PHTF2: variants seen among roughly 807,000 people sequenced by gnomAD.
The protein encoded by PHTF2 is putative homeodomain transcription factor 2, also known as protein PHTF2.
Under a neutral mutation model 101.2 loss-of-function variants are expected in PHTF2, and 60 were observed. That is an observed-to-expected ratio of 0.59 (90% CI 0.48 to 0.73). The LOEUF (loss-of-function observed/expected upper bound fraction) is 0.73. Ranked by LOEUF, PHTF2 falls within the 30% of genes least tolerant of loss-of-function variation. The pLI is 0.00. For synonymous variants in PHTF2, 311 were observed against 307.3 expected (o/e 1.01, Z -0.13); for missense variants, 747 against 908.7 (o/e 0.82, Z 2.29).
chr7:77,924,127 C>T (rs986138096), intron 11 of PHTF2: 11 of 955,218 alleles, frequency 1.2e-5, no homozygotes, highest in Middle Eastern at 5.3e-4. Flanking sequence ...CTTTAAAGGG[C>T]GTTTCTAAAA....
intron 3 of PHTF2, among the ~76,000 whole-genome samples, chr7:77,866,620 A>G (rs1407200313): frequency 6.6e-6 from 1 of 152,126 alleles, no homozygotes; most frequent in African/African-American, 2.4e-5. Flanking sequence ...AAAAAAAAAA[A>G]GTTAATACTG....
chr7:77,859,204 C>A (rs1025134647), intron 3 of PHTF2, among the ~76,000 whole-genome samples: 3 of 152,190 alleles, frequency 2.0e-5, no homozygotes, highest in African/African-American at 7.2e-5. Context: ...ATCTTGAGAT[C>A]CTTAACTAAT....
chr7:77,859,074 T>G (rs1207401133), intron 3 of PHTF2, among the ~76,000 whole-genome samples: 1 of 152,178 alleles, frequency 6.6e-6, no homozygotes, highest in Non-Finnish European at 1.5e-5. Flanking sequence ...GCCTGTAGAT[T>G]CATCATTCCA....
chr7:77,815,833 ATAT>A (rs1315756750), intron 1 of PHTF2, among the ~76,000 whole-genome samples: 3 of 152,314 alleles, frequency 2.0e-5, no homozygotes, highest in East Asian at 3.9e-4. Flanking sequence ...AATTGGGTTA[ATAT>A]TCTCCTTTCT....
chr7:77,864,586 T>C (rs1406696622), intron 3 of PHTF2, among the ~76,000 whole-genome samples: 1 of 152,212 alleles, frequency 6.6e-6, no homozygotes, highest in African/African-American at 2.4e-5. Flanking sequence ...ATTTTTCACC[T>C]TAGTGTTTAG....
At chr7:77,884,341 A>G (rs1445387081) in intron 3 of PHTF2, among the ~76,000 whole-genome samples, 1 of 152,122 alleles carries the variant, frequency 6.6e-6, no homozygotes, top group Non-Finnish European at 1.5e-5. Flanking sequence ...TGAGTAGTGT[A>G]CCTTGTACCC....
rs1387451465 is a variant in PHTF2 at position 77,835,991 on chromosome 7, TC to T, written c.-35-4228del. On this transcript the variant is annotated intron_variant, in intron 1 of 19. Transcript: ENST00000416283. ...AAATTAGCCGGGTGTAGTGGCGCATTCCTGTATTCCCAGCTACTCGGGAGGT... is the reference window on the plus strand; with the variant it reads ...AAATTAGCCGGGTGTAGTGGCGCATTCTGTATTCCCAGCTACTCGGGAGGT... 4.0e-5 allele frequency among the ~76,000 whole-genome samples: 6 copies of T among 151,412 alleles called. No individual in the cohort carries two copies. The East Asian group carries it at 1.2e-3, about 29-fold the overall frequency.
chr7:77,883,686 AC>A (rs1215265776), intron 3 of PHTF2, among the ~76,000 whole-genome samples: 1 of 152,180 alleles, frequency 6.6e-6, no homozygotes, highest in Non-Finnish European at 1.5e-5. Flanking sequence ...TAGGAAAAAG[AC>A]TTTTATCTGC....
intron 3 of PHTF2, among the ~76,000 whole-genome samples, chr7:77,889,164 C>G (rs962002058): frequency 6.6e-6 from 1 of 152,136 alleles, no homozygotes; most frequent in African/African-American, 2.4e-5. Flanking sequence ...TTTTCTTGCC[C>G]TATAATGATT....
intron 3 of PHTF2, among the ~76,000 whole-genome samples, chr7:77,880,406 A>G (rs1562906663): frequency 6.6e-6 from 1 of 152,072 alleles, no homozygotes; most frequent in African/African-American, 2.4e-5. Flanking sequence ...CTGCCATCCC[A>G]TCCTGTATGT....
At chr7:77,892,894 A>G (rs554052595) in intron 3 of PHTF2, among the ~76,000 whole-genome samples, 2 of 152,308 alleles carry the variant, frequency 1.3e-5, no homozygotes, top group South Asian at 4.1e-4. Context: ...TTAAGTGGTA[A>G]TTGCAGTCTG....
intron 3 of PHTF2, among the ~76,000 whole-genome samples, chr7:77,857,347 G>C (rs1408260170): frequency 6.6e-6 from 1 of 152,140 alleles, no homozygotes; most frequent in African/African-American, 2.4e-5. Flanking sequence ...GGCCATCATG[G>C]TACTCTGGTC....
chr7:77,822,968 G>C (rs1396825757), intron 1 of PHTF2, among the ~76,000 whole-genome samples: 2 of 148,018 alleles, frequency 1.4e-5, no homozygotes, highest in African/African-American at 2.5e-5. Context: ...GCAGTGGCGC[G>C]ATCTCGGCTC....
intron 3 of PHTF2, among the ~76,000 whole-genome samples, chr7:77,892,073 C>G (rs1205549597): frequency 6.6e-6 from 1 of 152,224 alleles, no homozygotes; most frequent in East Asian, 1.9e-4. Flanking sequence ...GTCAGGAGAT[C>G]GAGACCATCC....
intron 19 of PHTF2, 67 bp from the exon 19 acceptor site, chr7:77,954,791 T>C: frequency 2.4e-6 from 2 of 837,194 alleles, no homozygotes; most frequent in Non-Finnish European, 3.9e-6. Context: ...AAAATGGTGT[T>C]ATATGATATA....
chr7:77,841,339 C>CA (rs1795870645), intron 2 of PHTF2, among the ~76,000 whole-genome samples: 2 of 152,076 alleles, frequency 1.3e-5, no homozygotes, highest in African/African-American at 4.8e-5. Flanking sequence ...CTCAGCCTCC[C>CA]AAAGTGCTAG....
rs1264639027 is a variant in PHTF2, at chr7:77,932,617, AGAGAGT to A, written c.1338+3292_1338+3297del. 5.7e-3 allele frequency among the ~76,000 whole-genome samples: 718 copies of A among 124,902 alleles called. 7 individuals carry two copies. The highest frequency in any genetic ancestry group is 0.022 in the South Asian group (89 of 3,962). 81.9% of individuals were successfully genotyped at this position (124,902 alleles called of 152,430 possible). ...GAGAGAGAGAAAGAGAGAGAGAGAG[AGAGAGT>A]GTGTGTGTGTGTGTGTGTGTGTGTG... On this transcript the variant is annotated intron_variant, in intron 12 of 19. Transcript: ENST00000416283.
intron 3 of PHTF2, among the ~76,000 whole-genome samples, chr7:77,862,145 T>A (rs1397804434): frequency 6.6e-6 from 1 of 152,144 alleles, no homozygotes; most frequent in Admixed American, 6.5e-5. Context: ...CAGTAATGTT[T>A]ATAGACTCCA....
chr7:77,831,528 A>G (rs1004812902), intron 1 of PHTF2, among the ~76,000 whole-genome samples: 4 of 152,228 alleles, frequency 2.6e-5, no homozygotes, highest in South Asian at 2.1e-4. Context: ...ATGAGTCACC[A>G]TGGTGTGTAA....
Sources: allele counts gnomAD v4.1 joint callset (sites outside exome capture counted in the v4.1 genomes callset), GRCh38; gene constraint gnomAD v4.1.1; transcripts MANE v1.5; gene names NCBI Gene and HGNC (gene_info 2026-07-23, HGNC 2026-07-21).